The following PCDHGB3 variants were observed in gnomAD, a reference collection of about 807,000 sequenced individuals.
The protein encoded by PCDHGB3 is protocadherin gamma subfamily B, 3, also known as protocadherin gamma-B3.
A neutral mutation model predicts 59.2 loss-of-function variants in PCDHGB3; 40 were observed. That is an observed-to-expected ratio of 0.68 (90% confidence interval 0.52 to 0.88). The LOEUF is 0.88. PCDHGB3 is among the 40% of genes least tolerant of loss of function. PCDHGB3 has a pLI of 0.00. For synonymous variants in PCDHGB3, 581 were observed against 503.6 expected (o/e 1.15, Z -2.06); for missense variants, 1,309 against 1,187.9 (o/e 1.10, Z -1.50).
chr5:141,393,452 G>T lies in PCDHGB3; in HGVS notation c.2415+20643G>T, dbSNP rs189963623. 9.0e-3 allele frequency: 14,601 copies of T among 1,614,028 alleles called. 101 individuals are homozygous for T. The highest frequency in any genetic ancestry group is 0.01 in the Non-Finnish European group (11,851 of 1,179,906). ...AGGCTGCTCACCACCTGGTCCTCACGGCCTCGGATGGCGGCAAGCCGCCTC... is the reference window on the plus strand; with the variant it reads ...AGGCTGCTCACCACCTGGTCCTCACTGCCTCGGATGGCGGCAAGCCGCCTC... On this transcript the variant is annotated intron_variant, in intron 1 of 3. Coordinates refer to ENST00000576222, the MANE Select transcript of PCDHGB3 (RefSeq NM_018924.5).
chr5:141,398,266 G>C, intron 1 of PCDHGB3: 1 of 1,439,368 alleles, frequency 6.9e-7, no homozygotes, highest in Non-Finnish European at 9.5e-7. Flanking sequence ...GGGCTCCGTA[G>C]TGGGGAACCT....
Position 141,422,132 on chromosome 5 carries a change from T to C in PCDHGB3, c.2415+49323T>C, listed in dbSNP as rs768931697. ...CAATTGGATTCACAAACTGGAGAAG[T>C]TCAAGTACGGGGGTCTCTGGATTTT... On this transcript the variant is annotated intron_variant, in intron 1 of 3. Coordinates refer to ENST00000576222, the MANE Select transcript of PCDHGB3 (RefSeq NM_018924.5). The C allele has an allele frequency of 1.2e-5, 19 of 1,598,396 alleles. No individual in the cohort carries two copies. In the South Asian group the frequency reaches 2.0e-4, roughly 17 times the overall value.
intron 1 of PCDHGB3, among the ~76,000 whole-genome samples, chr5:141,482,804 G>T (rs1431490730): frequency 6.6e-6 from 1 of 152,194 alleles, no homozygotes; most frequent in East Asian, 1.9e-4. Flanking sequence ...GGGTACGGTG[G>T]CTCATGCCTG....
chr5:141,415,123 G>A (rs1349224471), intron 1 of PCDHGB3: 3 of 1,613,540 alleles, frequency 1.9e-6, no homozygotes, highest in African/African-American at 1.3e-5. Context: ...CGTAGTGGCC[G>A]TCCAGGACCA....
At chr5:141,459,775 T>C (rs377188083) in intron 1 of PCDHGB3, among the ~76,000 whole-genome samples, 8 of 152,362 alleles carry the variant, frequency 5.3e-5, no homozygotes, top group African/African-American at 1.4e-4. Flanking sequence ...TACTATCTCA[T>C]TGAAGTTTCA....
chr5:141,490,641 G>A lies in PCDHGB3; in HGVS notation c.2416-4166G>A. 3 of 1,614,160 alleles carry A rather than the reference G, an allele frequency of 1.9e-6. No homozygotes were observed. On this transcript the variant is annotated intron_variant, in intron 1 of 3. Transcript: ENST00000576222. This position sits in a 1 kb window ranked among gnomAD's most constrained non-coding sequence, Gnocchi z 5.4. Reference sequence around the variant, plus strand: ...ACACTGCTTACATCCTAGAAAACCGGCCTCCGGGCTCCCTTCTTTGCACTG... The same window carrying A: ...ACACTGCTTACATCCTAGAAAACCGACCTCCGGGCTCCCTTCTTTGCACTG...
At position 141,476,124 on chromosome 5, in the gene PCDHGB3, C is replaced by T. The variant is rs1187643558; in HGVS notation, c.2416-18683C>T. 4 of 1,603,236 alleles carry T rather than the reference C, an allele frequency of 2.5e-6. No homozygotes were observed. Among genetic ancestry groups the T allele is most frequent in the Non-Finnish European group, 3.4e-6 (4 of 1,176,388 alleles). ...GAACTGCTTTTGAGTGAGATGGTCCCAGAGGCCTGGAGGAGCGGACTGGTA... is the reference window on the plus strand; with the variant it reads ...GAACTGCTTTTGAGTGAGATGGTCCTAGAGGCCTGGAGGAGCGGACTGGTA... On this transcript the variant is annotated intron_variant, in intron 1 of 3. Transcript: ENST00000576222. This position sits in a 1 kb window ranked among gnomAD's most constrained non-coding sequence, Gnocchi z 7.6.
Position 141,489,510 on chromosome 5 carries a change from T to A in PCDHGB3, c.2416-5297T>A, listed in dbSNP as rs762210983. 1 of 1,614,124 alleles carries A rather than the reference T, an allele frequency of 6.2e-7. No individual in the cohort carries two copies. The highest frequency in any genetic ancestry group is 1.7e-5 in the Admixed American group (1 of 60,022). On this transcript the variant is annotated intron_variant, in intron 1 of 3. Transcript: ENST00000576222. This position sits in a 1 kb window ranked among gnomAD's most constrained non-coding sequence, Gnocchi z 4.5. Reference sequence around the variant, plus strand: ...GTGCCCTGGCAGTGAATCAAAAGATTGACCGAGAAAGCCTATGTGGAGCCA... The same window carrying A: ...GTGCCCTGGCAGTGAATCAAAAGATAGACCGAGAAAGCCTATGTGGAGCCA...
intron 1 of PCDHGB3, chr5:141,398,760 C>T: frequency 6.2e-7 from 1 of 1,613,898 alleles, no homozygotes; most frequent in Non-Finnish European, 8.5e-7. Flanking sequence ...ATCGTTTAGT[C>T]CTGACTGCCT....
At chr5:141,409,632 C>G (rs1279542488) in intron 1 of PCDHGB3, 1 of 1,613,848 alleles carries the variant, frequency 6.2e-7, no homozygotes, top group East Asian at 2.2e-5. Context: ...GTGAGCGCCT[C>G]TGACCCGGAT....
At chr5:141,467,348 C>T (rs1182432500) in intron 1 of PCDHGB3, among the ~76,000 whole-genome samples, 5 of 152,142 alleles carry the variant, frequency 3.3e-5, no homozygotes, top group African/African-American at 9.7e-5. Context: ...CCACTGCCCC[C>T]GGCCAAATCA....
rs1225025591 is a variant in PCDHGB3 at position 141,493,316 on chromosome 5, T to G, written c.2416-1491T>G. Among the ~76,000 whole-genome samples, 2 of 152,198 alleles carry G rather than the reference T, an allele frequency of 1.3e-5. No homozygotes were observed. The highest frequency in any genetic ancestry group is 2.1e-4 in the South Asian group (1 of 4,826). Reference sequence around the variant, plus strand: ...AGTTCACAGAGCAAGTAAGAGAGATTCTAACCCCTGTCTAACTCCAGAATG... The same window carrying G: ...AGTTCACAGAGCAAGTAAGAGAGATGCTAACCCCTGTCTAACTCCAGAATG... On this transcript the variant is annotated intron_variant, in intron 1 of 3. Coordinates refer to ENST00000576222, the MANE Select transcript of PCDHGB3 (RefSeq NM_018924.5). This position sits in a 1 kb window ranked among gnomAD's most constrained non-coding sequence, Gnocchi z 4.3.
intron 1 of PCDHGB3, chr5:141,400,044 G>T: frequency 1.2e-6 from 2 of 1,613,672 alleles, no homozygotes; most frequent in Non-Finnish European, 1.7e-6. Context: ...AGCGCCTGCT[G>T]GTTGCTGTGC....
chr5:141,404,550 C>A (rs372202008), intron 1 of PCDHGB3: 3 of 1,613,768 alleles, frequency 1.9e-6, no homozygotes, highest in Admixed American at 1.7e-5. Flanking sequence ...ATGCAGGTGA[C>A]GGCAAGTGAC....
At chr5:141,410,886 C>A in intron 1 of PCDHGB3, 1 of 290,056 alleles carries the variant, frequency 3.4e-6, no homozygotes, top group Non-Finnish European at 5.6e-6. Flanking sequence ...TGGAGTCTCG[C>A]ACTGTTGCCT....
chr5:141,388,789 T>A (rs2091491529), intron 1 of PCDHGB3: 1 of 1,613,948 alleles, frequency 6.2e-7, no homozygotes, highest in Non-Finnish European at 8.5e-7. Context: ...ATTACTGTTT[T>A]AAATACATTA....
In PCDHGB3 at chr5:141,477,556, T is replaced by C. The variant is rs2099412953; in HGVS notation, c.2416-17251T>C. On this transcript the variant is annotated intron_variant, in intron 1 of 3. Transcript: ENST00000576222. The surrounding 1 kb of genome is among the most constrained non-coding windows in gnomAD (Gnocchi z 4.9). The stretch of plus-strand genomic sequence containing the variant: ...CCGGGGCTCCAATACTAAACCTAAG[T>C]GTCTGGGACCCCGACGCCCCGCAGA... 6.2e-7 allele frequency: 1 copy of C among 1,614,164 alleles called. No homozygotes were observed. The highest frequency in any genetic ancestry group is 1.1e-5 in the South Asian group (1 of 91,086).
chr5:141,411,743 G>A (rs2095510866), intron 1 of PCDHGB3: 2 of 152,860 alleles, frequency 1.3e-5, no homozygotes, highest in Non-Finnish European at 2.9e-5. Flanking sequence ...TTAGCAGGGT[G>A]TGGTGGCACA....
intron 1 of PCDHGB3, among the ~76,000 whole-genome samples, chr5:141,436,290 T>C (rs2097808305): frequency 6.6e-6 from 1 of 152,164 alleles, no homozygotes; most frequent in Non-Finnish European, 1.5e-5. Flanking sequence ...GAACAAATCA[T>C]TGAGAGTTAG....
Sources: allele counts gnomAD v4.1 joint callset (sites outside exome capture counted in the v4.1 genomes callset), GRCh38; gene constraint gnomAD v4.1.1; non-coding constraint Gnocchi (gnomAD v3.1); transcripts MANE v1.5; gene names NCBI Gene and HGNC (gene_info 2026-07-23, HGNC 2026-07-21).